OSGIN1: variants seen among roughly 807,000 people sequenced by gnomAD.
OSGIN1 encodes the protein oxidative stress-induced growth inhibitor 1.
Under a neutral mutation model 20.1 loss-of-function variants are expected in OSGIN1, and 19 were observed. That is an observed-to-expected ratio of 0.95 (90% CI 0.66 to 1.39). The LOEUF (loss-of-function observed/expected upper bound fraction) is 1.39, where lower values mean the gene tolerates loss of function less well. Ranked by LOEUF, OSGIN1 falls within the 40% of genes most tolerant of loss-of-function variation. OSGIN1 has a pLI of 0.00. For missense variants in OSGIN1, 820 were observed against 653.0 expected, an observed-to-expected ratio of 1.26 and a Z score of -2.79; for synonymous variants, 368 against 297.8, an observed-to-expected ratio of 1.24 and a Z score of -2.43.
In OSGIN1 at chr16:83,966,050, A is replaced by G; in HGVS notation, c.*43A>G. ...TGGCTCCCAGGCCCTGAGAGGACAG[A>G]GATGACCACATCCCTGCTGGATGCA... On this transcript the variant is annotated 3_prime_UTR_variant, in exon 6 of 6. Coordinates refer to ENST00000393306, the MANE Select transcript of OSGIN1 (RefSeq NM_182981.3). The G allele has an allele frequency of 7.2e-7, 1 of 1,384,122 alleles. No homozygotes were observed. Among genetic ancestry groups the G allele is most frequent in the Non-Finnish European group, 9.6e-7 (1 of 1,036,834 alleles). The allele number at this position is 1,384,122 out of a possible 1,614,324, so 85.7% of individuals were successfully genotyped here.
chr16:83,965,913 C>A lies in OSGIN1; in HGVS notation c.1340C>A (p.Pro447Gln), dbSNP rs754200039. 6.2e-7 allele frequency: 1 copy of A among 1,612,796 alleles called. No individual in the cohort carries two copies. The highest frequency in any genetic ancestry group is 2.2e-5 in the East Asian group (1 of 44,876). ...CAGGAGGGCCTGTACGCCATGGGGC[C>A]GCTGGCCGGGGACAACTTCGTGAGG... ...TRQEGLYAMGPLAGDNFVRFV... is the reference protein window; with the variant it reads ...TRQEGLYAMGQLAGDNFVRFV... Residue 447 changes from proline to glutamine, a missense_variant, in exon 6 of 6, where the codon CCG becomes CAG. Pro to Gln is a moderately conservative substitution (Grantham distance 76, BLOSUM62 -1). Coordinates refer to ENST00000393306, the MANE Select transcript of OSGIN1 (RefSeq NM_182981.3).
chr16:83,965,071 C>T lies in OSGIN1; in HGVS notation c.498C>T (p.Arg166=), dbSNP rs753660161. Reference sequence around the variant, plus strand: ...GCATCCTCCCCAACAGAGGTCTTCGCAACAGCCGGGCCACTGCCGGGGACA... The same window carrying T: ...GCATCCTCCCCAACAGAGGTCTTCGTAACAGCCGGGCCACTGCCGGGGACA... ...DWMQKKRRGL[R]NSRATAGDIA... is the part of the protein sequence containing the mutation. Residue 166 remains arginine (R), a synonymous_variant, in exon 6 of 6, where the codon CGC becomes CGT. Coordinates refer to ENST00000393306, the MANE Select transcript of OSGIN1 (RefSeq NM_182981.3). 3.4e-5 allele frequency: 55 copies of T among 1,594,670 alleles called. No individual in the cohort carries two copies. Among genetic ancestry groups the T allele is most frequent in the Non-Finnish European group, 4.1e-5 (48 of 1,167,262 alleles).
chr16:83,957,617 C>A lies in OSGIN1; in HGVS notation c.-32-23C>A, dbSNP rs775630177. On this transcript the variant is annotated intron_variant, in intron 1 of 5. Transcript: ENST00000393306. ...CCAGGCCTCACCCGAATGGACTCTT[C>A]CTTCCCCTCTCCCCCACTCCAGGTC... The A allele has an allele frequency of 2.4e-6, 3 of 1,250,168 alleles. No individual in the cohort carries two copies. The South Asian group carries it at 3.8e-5, about 16-fold the overall frequency. 77.4% of individuals were successfully genotyped at this position (1,250,168 alleles called of 1,614,324 possible). A position where few individuals can be genotyped will look rare whatever the true frequency, so the allele number is the denominator to read the frequency against.
At chr16:83,960,234 C>A (rs905187835) in intron 3 of OSGIN1, among the ~76,000 whole-genome samples, 1 of 152,178 alleles carries the variant, frequency 6.6e-6, no homozygotes, top group Non-Finnish European at 1.5e-5. Context: ...CTTGTCAGAG[C>A]CTTTAATATG....
intron 5 of OSGIN1, 114 bp downstream of exon 5, chr16:83,961,186 G>C: frequency 1.2e-6 from 1 of 808,944 alleles, no homozygotes; most frequent in South Asian, 1.5e-5. Context: ...GGTTGAGGAC[G>C]CGCCCGTGAC....
Position 83,957,330 on chromosome 16 carries a change from G to A in OSGIN1, c.-32-310G>A, listed in dbSNP as rs146512204. Among the ~76,000 whole-genome samples the A allele has an allele frequency of 3.3e-3, 499 of 152,182 alleles. 5 individuals are homozygous for A. Among genetic ancestry groups the A allele is most frequent in the African/African-American group, 0.012 (478 of 41,502 alleles). On this transcript the variant is annotated intron_variant, in intron 1 of 5. Coordinates refer to ENST00000393306, the MANE Select transcript of OSGIN1 (RefSeq NM_182981.3). ...CTCGGGAAGACAGATAATGAGTTTC[G>A]GGGACTGTTACTGCCCCAGTGAGAT...
At position 83,960,658 on chromosome 16, in the gene OSGIN1, CTT is replaced by C. The variant is rs1341727995; in HGVS notation, c.296_297del (p.Phe99TrpfsTer92). On this transcript the variant is annotated frameshift_variant, in exon 4 of 6. Transcript: ENST00000393306. LOFTEE classifies it high-confidence loss of function. ...FDALLRPDTD[F>X]GGNMKSVLTW... ...ATGCCCTTCTACGCCCAGACACAGA[CTT>C]TGGGGGAAACATGAAGTCGGTCCTC... The C allele has an allele frequency of 1.2e-6, 2 of 1,613,608 alleles. No individual in the cohort carries two copies. Among genetic ancestry groups the C allele is most frequent in the Non-Finnish European group, 1.7e-6 (2 of 1,180,022 alleles).
chr16:83,957,702 G>A lies in OSGIN1; in HGVS notation c.31G>A (p.Ala11Thr), dbSNP rs781547435. ...CTCCTCCAGAAAGGACCACCTCGGC[G>A]CCAGCAGCTCAGAGCCCCTCCCGGT... MSSSRKDHLG[A>T]SSSEPLPVII... Residue 11 changes from alanine (A) to threonine (T), a missense_variant, in exon 2 of 6, where the codon GCC (alanine) becomes ACC (threonine). Coordinates refer to ENST00000393306, the MANE Select transcript of OSGIN1 (RefSeq NM_182981.3). 5.5e-5 allele frequency: 88 copies of A among 1,605,866 alleles called. No individual in the cohort carries two copies. Among genetic ancestry groups the A allele is most frequent in the African/African-American group, 2.4e-4 (18 of 74,626 alleles).
intron 1 of OSGIN1, among the ~76,000 whole-genome samples, chr16:83,957,369 G>C (rs1175105848): frequency 6.6e-6 from 1 of 152,130 alleles, no homozygotes; most frequent in African/African-American, 2.4e-5. Context: ...AGAGTAGAGT[G>C]AGGCTCGGAG....
Position 83,957,655 on chromosome 16 carries a change from C to A in OSGIN1, c.-17C>A. On this transcript the variant is annotated 5_prime_UTR_variant, in exon 2 of 6. Coordinates refer to ENST00000393306, the MANE Select transcript of OSGIN1 (RefSeq NM_182981.3). ...CCCACTCCAGGTCCGCTGCCAGCCCCAAGCCCCCCACCAGCCATGAGCTCC... is the reference window on the plus strand; with the variant it reads ...CCCACTCCAGGTCCGCTGCCAGCCCAAAGCCCCCCACCAGCCATGAGCTCC... 6.3e-7 allele frequency: 1 copy of A among 1,593,652 alleles called. No homozygotes were observed. The highest frequency in any genetic ancestry group is 8.6e-7 in the Non-Finnish European group (1 of 1,168,078).
chr16:83,959,763 C>T (rs1160669815), intron 3 of OSGIN1, among the ~76,000 whole-genome samples: 1 of 152,180 alleles, frequency 6.6e-6, no homozygotes, highest in Non-Finnish European at 1.5e-5. Context: ...CACAGGACAA[C>T]GAGGGTGGTG....
rs765265709 is a variant in OSGIN1 at position 83,965,123 on chromosome 16, G to A, written c.550G>A (p.Val184Ile). ...DIAHYYRDYVVKKGLGHNFVS... is the reference protein window; with the variant it reads ...DIAHYYRDYVIKKGLGHNFVS... ...CGCCCACTACTACAGGGACTACGTG[G>A]TCAAGAAGGGTCTGGGGCATAACTT... is the stretch of plus-strand genomic sequence containing the variant. Residue 184 changes from valine to isoleucine, a missense_variant, in exon 6 of 6, where the codon GTC (valine) becomes ATC (isoleucine). Val to Ile is a conservative substitution (Grantham distance 29, BLOSUM62 3). Coordinates refer to ENST00000393306, the MANE Select transcript of OSGIN1 (RefSeq NM_182981.3). The A allele has an allele frequency of 2.0e-5, 33 of 1,613,272 alleles. No individual in the cohort carries two copies. The East Asian group carries it at 7.4e-4, about 36-fold the overall frequency.
At chr16:83,959,954 G>A (rs901333836) in intron 3 of OSGIN1, among the ~76,000 whole-genome samples, 17 of 152,082 alleles carry the variant, frequency 1.1e-4, no homozygotes, top group East Asian at 1.9e-4. Context: ...TCCTCCCTCC[G>A]TACCCCTTGT....
chr16:83,959,046 C>T (rs1404601574), intron 2 of OSGIN1, among the ~76,000 whole-genome samples: 1 of 152,186 alleles, frequency 6.6e-6, no homozygotes, highest in Non-Finnish European at 1.5e-5. Context: ...AGTACAATTC[C>T]TGGCACAGAG....
chr16:83,957,712 C>T lies in OSGIN1; in HGVS notation c.41C>T (p.Ser14Leu). The T allele has an allele frequency of 6.2e-7, 1 of 1,603,554 alleles. No individual in the cohort carries two copies. Among genetic ancestry groups the T allele is most frequent in the Non-Finnish European group, 8.5e-7 (1 of 1,174,646 alleles). ...SRKDHLGASS[S>L]EPLPVIIVGN... is the part of the protein sequence containing the mutation. ...AAGGACCACCTCGGCGCCAGCAGCT[C>T]AGAGCCCCTCCCGGTCATCATTGTG... Residue 14 changes from serine (S) to leucine (L), a missense_variant, in exon 2 of 6, where the codon TCA (serine) becomes TTA (leucine). Physicochemically the swap from Ser to Leu is moderately radical, Grantham distance 145 (BLOSUM62 -2). Coordinates refer to ENST00000393306, the MANE Select transcript of OSGIN1 (RefSeq NM_182981.3).
chr16:83,962,883 G>A (rs1202616301), intron 5 of OSGIN1, among the ~76,000 whole-genome samples: 1 of 152,220 alleles, frequency 6.6e-6, no homozygotes, highest in African/African-American at 2.4e-5. Context: ...TTTGCCCTAG[G>A]CAGTTCCCTG....
intron 2 of OSGIN1, among the ~76,000 whole-genome samples, chr16:83,958,924 G>T (rs1909069725): frequency 6.6e-6 from 1 of 152,170 alleles, no homozygotes; most frequent in South Asian, 2.1e-4. Flanking sequence ...CCGGCCGTGT[G>T]ACCACAGGCA....
intron 2 of OSGIN1, among the ~76,000 whole-genome samples, chr16:83,958,385 T>A (rs934664851): frequency 6.6e-6 from 1 of 152,212 alleles, no homozygotes; most frequent in Non-Finnish European, 1.5e-5. Context: ...GACTACCCTG[T>A]GCCCAGCACT....
chr16:83,962,690 G>C (rs972425810), intron 5 of OSGIN1, among the ~76,000 whole-genome samples: 7 of 152,232 alleles, frequency 4.6e-5, no homozygotes, highest in Non-Finnish European at 8.8e-5. Flanking sequence ...ATGTAAGATG[G>C]ACATTGGTTC....
Sources: allele counts gnomAD v4.1 joint callset (sites outside exome capture counted in the v4.1 genomes callset), GRCh38; gene constraint gnomAD v4.1.1; transcripts MANE v1.5; gene names NCBI Gene and HGNC (gene_info 2026-07-23, HGNC 2026-07-21).